Variants in CDAN1 observed in about 807,000 individuals in gnomAD.
The protein encoded by CDAN1 is codanin 1.
CDAN1 carries 107 observed loss-of-function variants against 139.8 expected under a neutral mutation model. That is an observed-to-expected ratio of 0.77 (90% CI 0.65 to 0.90). The LOEUF (loss-of-function observed/expected upper bound fraction) is 0.90, where lower values mean the gene tolerates loss of function less well. CDAN1 is among the 40% of genes least tolerant of loss of function. CDAN1 has a pLI of 0.00. For missense variants in CDAN1, 1,667 were observed against 1,575.7 expected, an observed-to-expected ratio of 1.06 and a Z score of -0.98; for synonymous variants, 776 against 660.6, an observed-to-expected ratio of 1.17 and a Z score of -2.68.
chr15:42,733,818 TG>T lies in CDAN1; in HGVS notation c.1367+119del, dbSNP rs763699209. ...CCTATGATGGCCGGCAGGAAGGACC[TG>T]GGGGGACTAACCCACCACCTGTTGG... is the stretch of plus-strand genomic sequence containing the variant. On this transcript the variant is annotated intron_variant, in intron 8 of 27. Coordinates refer to ENST00000356231, the MANE Select transcript of CDAN1 (RefSeq NM_138477.4). 31 of 756,052 alleles carry T rather than the reference TG, an allele frequency of 4.1e-5. No individual in the cohort carries two copies. In the East Asian group the frequency reaches 6.8e-4, roughly 17 times the overall value. The allele number at this position is 756,052 out of a possible 1,614,324, so 46.8% of individuals were successfully genotyped here.
chr15:42,735,214 G>A (rs1456683023), intron 5 of CDAN1, 36 bp from the exon 6 acceptor site: 2 of 1,603,574 alleles, frequency 1.2e-6, no homozygotes, highest in South Asian at 2.2e-5. Flanking sequence ...GTTAAGAACG[G>A]TCCCGTTTCT....
intron 1 of CDAN1, 47 bp downstream of exon 1, chr15:42,736,966 C>T: frequency 6.6e-7 from 1 of 1,519,666 alleles, no homozygotes; most frequent in Non-Finnish European, 8.9e-7. Flanking sequence ...GACTCCACTG[C>T]GGGAACCGGC....
In CDAN1 at chr15:42,724,403, G is replaced by A. The variant is rs2061495701; in HGVS notation, c.*88C>T. 1 of 1,509,850 alleles carries A rather than the reference G, an allele frequency of 6.6e-7. No homozygotes were observed. The highest frequency in any genetic ancestry group is 1.2e-5 in the South Asian group (1 of 82,842). 93.5% of individuals were successfully genotyped at this position (1,509,850 alleles called of 1,614,324 possible). ...TAGACCCAGCTACACCCCAACCAGT[G>A]AGGGTCTGCATTGGGCACTTGGGCC... On this transcript the variant is annotated 3_prime_UTR_variant, in exon 28 of 28. Transcript: ENST00000356231.
At chr15:42,732,076 G>A (rs1269561340) in intron 10 of CDAN1, among the ~76,000 whole-genome samples, 5 of 152,220 alleles carry the variant, frequency 3.3e-5, no homozygotes, top group Admixed American at 3.3e-4. Context: ...ACTAAGCCTG[G>A]GCTCTTTACC....
In CDAN1 at chr15:42,726,180, GA is replaced by G; in HGVS notation, c.3205-21del. 1.9e-6 allele frequency: 3 copies of G among 1,613,430 alleles called. No individual in the cohort carries two copies. Among genetic ancestry groups the G allele is most frequent in the Non-Finnish European group, 8.5e-7 (1 of 1,179,428 alleles). ...CAGGAACTGCGGTTGGGGTGGGGGG[GA>G]AAGAGAGACCATAGGTATCACCATG... On this transcript the variant is annotated intron_variant, in intron 24 of 27. Transcript: ENST00000356231.
At chr15:42,731,116 C>T (rs753670883) in intron 12 of CDAN1, 45 bp from the exon 13 acceptor site, 20 of 1,614,090 alleles carry the variant, frequency 1.2e-5, no homozygotes, top group Non-Finnish European at 1.7e-5. Flanking sequence ...ATGAGGCTTC[C>T]AGAACAATTC....
chr15:42,731,287 A>G lies in CDAN1; in HGVS notation c.1784T>C (p.Ile595Thr), dbSNP rs2061608300. The change falls in exon 12 of 28, where the codon ATC becomes ACC. Residue 595 changes from isoleucine to threonine, a missense_variant. Ile to Thr is a moderately conservative substitution (Grantham distance 89). Coordinates refer to ENST00000356231, the MANE Select transcript of CDAN1 (RefSeq NM_138477.4). ...QHLMDSLSLK[I>T]QELNGLALPQ... Reference sequence around the variant, plus strand: ...CAGGGCAAGACCATTGAGCTCCTGGATCTTCAAGCTCAGACTGTCCATGAG... The same window carrying G: ...CAGGGCAAGACCATTGAGCTCCTGGGTCTTCAAGCTCAGACTGTCCATGAG... The G allele has an allele frequency of 6.2e-7, 1 of 1,614,142 alleles. No homozygotes were observed. Among genetic ancestry groups the G allele is most frequent in the Non-Finnish European group, 8.5e-7 (1 of 1,180,026 alleles).
chr15:42,735,938 C>A lies in CDAN1; in HGVS notation c.710G>T (p.Gly237Val). 2 of 1,614,158 alleles carry A rather than the reference C, an allele frequency of 1.2e-6. No individual in the cohort carries two copies. The highest frequency in any genetic ancestry group is 1.7e-6 in the Non-Finnish European group (2 of 1,180,018). ...TCTGCACCCTGGGGGAAGGCCAAGG[C>A]CCCAAGGGCTAGTGTCCAGGGCTGA... is the stretch of plus-strand genomic sequence containing the variant. ...QPSALDTSPW[G>V]LGLPPGCRSL... Residue 237 changes from glycine (G) to valine (V), a missense_variant, in exon 3 of 28, where the codon GGC becomes GTC. Coordinates refer to ENST00000356231, the MANE Select transcript of CDAN1 (RefSeq NM_138477.4).
At chr15:42,731,959 A>G in intron 10 of CDAN1, 134 bp from the exon 11 acceptor site, 1 of 833,438 alleles carries the variant, frequency 1.2e-6, no homozygotes, top group African/African-American at 1.7e-5. Flanking sequence ...AGATTTTCTG[A>G]GATGTGAATT....
chr15:42,726,426 A>G lies in CDAN1; in HGVS notation c.3097-9T>C. 6.3e-7 allele frequency: 1 copy of G among 1,577,258 alleles called. No individual in the cohort carries two copies. Among genetic ancestry groups the G allele is most frequent in the Non-Finnish European group, 8.6e-7 (1 of 1,160,118 alleles). On this transcript the variant is annotated splice_polypyrimidine_tract_variant and intron_variant, in intron 23 of 27. Transcript: ENST00000356231. ...GCCAAGGAGAGCACGTCCTGTGAAG[A>G]GCAGGGGGAGATATCACCTTGCGCT...
chr15:42,733,011 ACC>A, intron 9 of CDAN1, 84 bp downstream of exon 9: 501 of 1,027,978 alleles, frequency 4.9e-4, no homozygotes, highest in African/African-American at 1.2e-3. Flanking sequence ...AGCGGGGAAA[ACC>A]TTCCCTCCTC....
At position 42,731,254 on chromosome 15, in the gene CDAN1, T is replaced by C; in HGVS notation, c.1817A>G (p.His606Arg). 1 of 1,614,222 alleles carries C rather than the reference T, an allele frequency of 6.2e-7. No individual in the cohort carries two copies. The highest frequency in any genetic ancestry group is 8.5e-7 in the Non-Finnish European group (1 of 1,180,040). Residue 606 changes from histidine to arginine, a missense_variant, in exon 12 of 28, where the codon CAT (histidine) becomes CGT (arginine). Coordinates refer to ENST00000356231, the MANE Select transcript of CDAN1 (RefSeq NM_138477.4). Reference sequence around the variant, plus strand: ...CTCCCCGTCTTCATCATTGGGCTCATGCTGGGGCAGGGCAAGACCATTGAG... The same window carrying C: ...CTCCCCGTCTTCATCATTGGGCTCACGCTGGGGCAGGGCAAGACCATTGAG... Reference protein sequence around the residue: ...QELNGLALPQHEPNDEDGESD... With the variant: ...QELNGLALPQREPNDEDGESD...
At chr15:42,733,607 T>G (rs1222363676) in intron 8 of CDAN1, among the ~76,000 whole-genome samples, 1 of 152,186 alleles carries the variant, frequency 6.6e-6, no homozygotes, top group Non-Finnish European at 1.5e-5. Flanking sequence ...TCCAGAGTTC[T>G]CTATATGATG....
In CDAN1 at chr15:42,730,193, T is replaced by G. The variant is rs150491625; in HGVS notation, c.2197A>C (p.Ser733Arg). 63 of 1,613,878 alleles carry G rather than the reference T, an allele frequency of 3.9e-5. 1 individual carries two copies. In the Middle Eastern group the frequency reaches 9.9e-4, roughly 25 times the overall value. The change falls in exon 15 of 28, where the codon AGT becomes CGT. Residue 733 changes from serine to arginine, a missense_variant. Ser to Arg is a moderately radical substitution (Grantham distance 110, BLOSUM62 -1). This residue lies in a region of CDAN1 where 936 missense variants were observed against 844.1 expected (regional missense o/e 1.11). Transcript: ENST00000356231. ...LHRSLVLSQE[S>R]EGKMCFLNKL... ...TTCAGGAAACACATCTTCCCCTCAC[T>G]CTCCTGCGACAACACCAAGCTCCTG...
intron 14 of CDAN1, 40 bp from the exon 15 acceptor site, chr15:42,730,255 G>A (rs1190493979): frequency 5.1e-6 from 8 of 1,577,772 alleles, no homozygotes; most frequent in Non-Finnish European, 7.0e-6. Context: ...TGAGCAGAAA[G>A]GGGAAGGGAA....
At chr15:42,735,744 A>G in intron 3 of CDAN1, 65 bp from the exon 4 acceptor site, 1 of 1,591,206 alleles carries the variant, frequency 6.3e-7, no homozygotes, top group Non-Finnish European at 8.6e-7. Context: ...CACTCAGGTC[A>G]CTCCAGAGAA....
At chr15:42,727,498 C>T (rs2061544598) in intron 23 of CDAN1, 123 bp downstream of exon 23, 2 of 890,424 alleles carry the variant, frequency 2.2e-6, no homozygotes, top group East Asian at 2.7e-5. Context: ...GAAACGGGGA[C>T]TAGCTGGACA....
At position 42,735,993 on chromosome 15, in the gene CDAN1, G is replaced by A. The variant is rs2061682156; in HGVS notation, c.655C>T (p.Pro219Ser). 1 of 1,614,046 alleles carries A rather than the reference G, an allele frequency of 6.2e-7. No homozygotes were observed. The highest frequency in any genetic ancestry group is 1.7e-5 in the Admixed American group (1 of 60,012). ...TGGGAACTGGGGACACAGCTGATTG[G>A]GGGTGAGGTGAAGCAGGTCTTGGGC... ...SKPKTCFTSP[P>S]ISCVPSSQPS... The change falls in exon 3 of 28, where the codon CCA (proline) becomes TCA (serine). Residue 219 changes from proline to serine, a missense_variant. By Grantham distance (74) the Pro-to-Ser change is moderately conservative. Around this residue, in one of 3 missense-constraint regions of CDAN1, gnomAD observed 487 missense variants for 422.2 expected, o/e 1.15. Coordinates refer to ENST00000356231, the MANE Select transcript of CDAN1 (RefSeq NM_138477.4).
At chr15:42,732,921 A>G (rs1345673329) in intron 9 of CDAN1, among the ~76,000 whole-genome samples, 176 bp downstream of exon 9, 1 of 152,228 alleles carries the variant, frequency 6.6e-6, no homozygotes, top group Non-Finnish European at 1.5e-5. Flanking sequence ...GGAGAGACAC[A>G]TCCCTTTCGA....
Sources: allele counts gnomAD v4.1 joint callset (sites outside exome capture counted in the v4.1 genomes callset), GRCh38; gene constraint gnomAD v4.1.1; regional missense constraint gnomAD v4.1.1; transcripts MANE v1.5; gene names NCBI Gene and HGNC (gene_info 2026-07-23, HGNC 2026-07-21).